Variants in SSBP2 observed in about 807,000 individuals in gnomAD.
SSBP2 encodes single-stranded DNA-binding protein 2.
Under a neutral mutation model 61.8 loss-of-function variants are expected in SSBP2, and 17 were observed. The ratio of observed to expected loss-of-function variants is 0.28; its 90% CI spans 0.19 to 0.41. The LOEUF is 0.41. SSBP2 is among the 10% of genes least tolerant of loss of function. The probability of loss-of-function intolerance (pLI) is 1.00; values close to 1 mark genes in which losing one functional copy is unlikely to be tolerated. For synonymous variants in SSBP2, 139 were observed against 141.3 expected, an observed-to-expected ratio of 0.98 and a Z score of 0.12; for missense variants, 310 against 458.7, an observed-to-expected ratio of 0.68 and a Z score of 2.96.
intron 5 of SSBP2, among the ~76,000 whole-genome samples, chr5:81,508,801 A>C (rs1310981466): frequency 6.6e-6 from 1 of 152,152 alleles, no homozygotes; most frequent in East Asian, 1.9e-4. Flanking sequence ...GAAATGTTTC[A>C]ATGTATTTTT....
chr5:81,751,210 C>T (rs1757746682), upstream of SSBP2: 5 of 700,778 alleles, frequency 7.1e-6, no homozygotes, highest in South Asian at 7.0e-5. Context: ...TGACAGGCCT[C>T]CCCCTCCCTC....
intron 2 of SSBP2, among the ~76,000 whole-genome samples, chr5:81,640,079 G>C (rs1220087470): frequency 6.6e-6 from 1 of 152,222 alleles, no homozygotes; most frequent in Non-Finnish European, 1.5e-5. Flanking sequence ...GCCAGGCGCA[G>C]TGGCTCACGC....
intron 2 of SSBP2, among the ~76,000 whole-genome samples, chr5:81,644,076 C>T (rs1359575800): frequency 6.6e-6 from 1 of 152,126 alleles, no homozygotes. Flanking sequence ...TCCTCAGTTG[C>T]ACTAGCCATA....
chr5:81,671,893 C>T (rs1029161997), intron 1 of SSBP2, among the ~76,000 whole-genome samples: 3 of 152,026 alleles, frequency 2.0e-5, no homozygotes, highest in Admixed American at 1.3e-4. Context: ...ATGGGATAAG[C>T]AGAGAGAAAA....
At position 81,474,486 on chromosome 5, in the gene SSBP2, G is replaced by A. The variant is rs753031246; in HGVS notation, c.499+10C>T. On this transcript the variant is annotated intron_variant, in intron 7 of 16. Transcript: ENST00000320672. ...GCACATCAATTTTCCTTTTACTTTA[G>A]AGTAGTCACCTTGTTGTCGAGTTGG... The A allele has an allele frequency of 3.2e-5, 51 of 1,611,186 alleles. No individual in the cohort carries two copies. Among genetic ancestry groups the A allele is most frequent in the Non-Finnish European group, 4.2e-5 (50 of 1,178,166 alleles).
chr5:81,565,942 A>G (rs562184490), intron 4 of SSBP2, among the ~76,000 whole-genome samples: 2 of 152,318 alleles, frequency 1.3e-5, no homozygotes, highest in Middle Eastern at 3.4e-3. Context: ...TCATTCTTAA[A>G]AAAATATTCA....
chr5:81,669,651 G>A (rs950326342), intron 1 of SSBP2, among the ~76,000 whole-genome samples: 5 of 152,034 alleles, frequency 3.3e-5, no homozygotes, highest in Admixed American at 6.6e-5. Flanking sequence ...ACGGCCTGTT[G>A]GGGGATGGGG....
At chr5:81,681,158 A>T (rs1752349979) in intron 1 of SSBP2, among the ~76,000 whole-genome samples, 2 of 152,186 alleles carry the variant, frequency 1.3e-5, no homozygotes, top group Non-Finnish European at 2.9e-5. Context: ...TAAACAATGC[A>T]CTTCTAAACA....
At chr5:81,532,403 C>T (rs1406057942) in intron 4 of SSBP2, among the ~76,000 whole-genome samples, 3 of 151,764 alleles carry the variant, frequency 2.0e-5, no homozygotes, top group African/African-American at 4.8e-5. Context: ...AATTATATTG[C>T]AGATATTTAA....
intron 1 of SSBP2, among the ~76,000 whole-genome samples, chr5:81,715,348 T>A (rs1025777283): frequency 2.6e-5 from 4 of 152,068 alleles, no homozygotes; most frequent in Non-Finnish European, 5.9e-5. Flanking sequence ...AGAAAGAAAT[T>A]CTTAAGATGA....
chr5:81,587,850 T>C (rs1775189444), intron 4 of SSBP2, among the ~76,000 whole-genome samples: 1 of 151,748 alleles, frequency 6.6e-6, no homozygotes, highest in South Asian at 2.1e-4. Context: ...AGGAAAGAAA[T>C]GTGAAACCTA....
intron 4 of SSBP2, among the ~76,000 whole-genome samples, chr5:81,542,059 A>T (rs1771314996): frequency 6.6e-6 from 1 of 152,256 alleles, no homozygotes; most frequent in Non-Finnish European, 1.5e-5. Flanking sequence ...TAAGGACCTT[A>T]AATGAACAAG....
At chr5:81,731,474 T>A (rs755795008) in intron 1 of SSBP2, among the ~76,000 whole-genome samples, 1 of 152,162 alleles carries the variant, frequency 6.6e-6, no homozygotes, top group Non-Finnish European at 1.5e-5. Context: ...GAGAAAAGAT[T>A]TCCTGGCGGC....
intron 8 of SSBP2, among the ~76,000 whole-genome samples, chr5:81,469,236 C>G (rs183791697): frequency 2.0e-5 from 3 of 151,896 alleles, no homozygotes; most frequent in African/African-American, 7.2e-5. Context: ...ATACCCTGAT[C>G]TTAATTTCCT....
At chr5:81,502,013 A>G (rs563830386) in intron 5 of SSBP2, among the ~76,000 whole-genome samples, 9 of 152,098 alleles carry the variant, frequency 5.9e-5, no homozygotes, top group Non-Finnish European at 1.2e-4. Flanking sequence ...TCCTAGCAGC[A>G]TTTCTCTGTC....
At chr5:81,601,076 A>C (rs964647594) in intron 4 of SSBP2, among the ~76,000 whole-genome samples, 6 of 152,218 alleles carry the variant, frequency 3.9e-5, no homozygotes, top group Non-Finnish European at 7.3e-5. Context: ...GAAAAATAGT[A>C]AGCTTAATTA....
chr5:81,452,258 A>G (rs1763829346), intron 10 of SSBP2, among the ~76,000 whole-genome samples: 1 of 152,108 alleles, frequency 6.6e-6, no homozygotes, highest in Admixed American at 6.6e-5. Flanking sequence ...TTTTATAGAG[A>G]CATGTTCAAA....
At chr5:81,702,268 G>A (rs1754041728) in intron 1 of SSBP2, among the ~76,000 whole-genome samples, 1 of 152,168 alleles carries the variant, frequency 6.6e-6, no homozygotes, top group African/African-American at 2.4e-5. Flanking sequence ...CTACTCAGGA[G>A]GCTGAGGCAG....
intron 1 of SSBP2, among the ~76,000 whole-genome samples, chr5:81,731,719 GAAGACTCATACCCAAA>G (rs1251191628): frequency 6.6e-6 from 1 of 151,806 alleles, no homozygotes; most frequent in African/African-American, 2.4e-5. Context: ...GATAACTTGG[GAAGACTCATACCCAAA>G]ATTTTGCTTC....
Sources: gnomAD v4.1 joint callset for allele counts (sites outside exome capture counted in the v4.1 genomes callset) on GRCh38, gnomAD v4.1.1 for gene constraint, MANE v1.5 for transcripts, NCBI Gene and HGNC (gene_info 2026-07-23, HGNC 2026-07-21) for gene names.